Variants in CSMD1 observed in about 807,000 individuals in gnomAD.
The protein encoded by CSMD1 is CUB and Sushi multiple domains 1, also known as CUB and sushi domain-containing protein 1.
CSMD1 carries 213 observed loss-of-function variants against 417.5 expected under a neutral mutation model. That is an observed-to-expected ratio of 0.51 (90% confidence interval 0.46 to 0.57). The LOEUF (loss-of-function observed/expected upper bound fraction) is 0.57, where lower values mean the gene tolerates loss of function less well. Among genes scored for constraint, CSMD1 ranks in the 20% least tolerant of loss-of-function variants. CSMD1 has a pLI of 0.00. For missense variants in CSMD1, 6,923 were observed against 4,529.7 expected (o/e 1.53, Z -15.17); for synonymous variants, 2,862 against 1,736.8 (o/e 1.65, Z -16.11).
chr8:4,786,126 G>A (rs1259929286), intron 1 of CSMD1, among the ~76,000 whole-genome samples: 1 of 152,134 alleles, frequency 6.6e-6, no homozygotes, highest in Non-Finnish European at 1.5e-5. Context: ...TATCCTGTTT[G>A]CTTCTAAAAA....
At chr8:4,851,908 G>A (rs566077362) in intron 1 of CSMD1, among the ~76,000 whole-genome samples, 1 of 152,102 alleles carries the variant, frequency 6.6e-6, no homozygotes, top group Non-Finnish European at 1.5e-5. Flanking sequence ...ATACTCATTT[G>A]CTATCACTCT....
At chr8:3,391,427 T>G (rs960078419) in intron 17 of CSMD1, among the ~76,000 whole-genome samples, 4 of 152,348 alleles carry the variant, frequency 2.6e-5, no homozygotes, top group African/African-American at 9.6e-5. Flanking sequence ...TCTTACAAAA[T>G]TATGACAATT....
chr8:4,702,287 G>C (rs189467197), intron 1 of CSMD1, among the ~76,000 whole-genome samples: 1 of 152,174 alleles, frequency 6.6e-6, no homozygotes, highest in Admixed American at 6.5e-5. Context: ...TCAACAGGTT[G>C]CCTTGCTTCT....
At chr8:3,237,590 T>A (rs1254752462) in intron 26 of CSMD1, among the ~76,000 whole-genome samples, 1 of 145,452 alleles carries the variant, frequency 6.9e-6, no homozygotes, top group African/African-American at 2.5e-5. Context: ...ATACTTATAC[T>A]ATAAATATAA....
intron 1 of CSMD1, among the ~76,000 whole-genome samples, chr8:4,891,151 T>C: frequency 6.6e-6 from 1 of 152,120 alleles, no homozygotes; most frequent in East Asian, 1.9e-4. Flanking sequence ...GAACTCTGTG[T>C]TTTGAGTCAA....
At chr8:3,253,732 T>G (rs1176988778) in intron 26 of CSMD1, among the ~76,000 whole-genome samples, 6 of 152,170 alleles carry the variant, frequency 3.9e-5, no homozygotes, top group South Asian at 2.1e-4. Context: ...GCTTGGTAGA[T>G]CTTCCTCCAT....
At chr8:4,188,229 C>G (rs977130856) in intron 3 of CSMD1, among the ~76,000 whole-genome samples, 5 of 152,250 alleles carry the variant, frequency 3.3e-5, no homozygotes, top group East Asian at 3.9e-4. Flanking sequence ...AAATTTGACT[C>G]TGAGGACCCA....
chr8:4,165,029 G>A (rs1250347551), intron 3 of CSMD1, among the ~76,000 whole-genome samples: 1 of 152,130 alleles, frequency 6.6e-6, no homozygotes, highest in African/African-American at 2.4e-5. Context: ...CATGACACCT[G>A]AGGTTTCTGT....
intron 11 of CSMD1, among the ~76,000 whole-genome samples, chr8:3,475,517 C>T (rs563531536): frequency 4.7e-4 from 72 of 152,196 alleles, no homozygotes; most frequent in Non-Finnish European, 9.4e-4. Flanking sequence ...ATGGCTCTGT[C>T]ATTAATTCAC....
chr8:3,598,596 T>C (rs1801205233), intron 8 of CSMD1, among the ~76,000 whole-genome samples: 1 of 152,160 alleles, frequency 6.6e-6, no homozygotes, highest in Admixed American at 6.5e-5. Flanking sequence ...TGTTCCTTCT[T>C]TTATTTGTCC....
chr8:3,985,134 T>C (rs530140725), intron 5 of CSMD1, among the ~76,000 whole-genome samples: 106 of 152,186 alleles, frequency 7.0e-4, no homozygotes, highest in Admixed American at 1.1e-3. Flanking sequence ...GATCATGTAC[T>C]TCAGGAGAGG....
At chr8:4,255,099 G>A (rs1429064424) in intron 3 of CSMD1, among the ~76,000 whole-genome samples, 1 of 152,110 alleles carries the variant, frequency 6.6e-6, no homozygotes, top group Non-Finnish European at 1.5e-5. Flanking sequence ...TAACCCCTCG[G>A]TCTCTCTACT....
intron 1 of CSMD1, among the ~76,000 whole-genome samples, chr8:4,762,104 T>C (rs1673240): frequency 0.23 from 35,422 of 151,958 alleles, 5,388 homozygotes; most frequent in African/African-American, 0.43. Flanking sequence ...TAAACTCAAT[T>C]TCCCCTATAA....
intron 28 of CSMD1, among the ~76,000 whole-genome samples, chr8:3,222,670 C>T (rs1048936930): frequency 3.9e-5 from 6 of 152,132 alleles, no homozygotes; most frequent in South Asian, 2.1e-4. Context: ...TTAAGGAAGA[C>T]GCTACTAGAA....
intron 4 of CSMD1, among the ~76,000 whole-genome samples, chr8:4,019,838 T>C (rs909059526): frequency 6.6e-6 from 1 of 152,036 alleles, no homozygotes; most frequent in African/African-American, 2.4e-5. Context: ...TCTTGTCCTT[T>C]TTCCTGAGCC....
At chr8:4,989,327 C>A (rs896713574) in intron 1 of CSMD1, among the ~76,000 whole-genome samples, 1 of 152,078 alleles carries the variant, frequency 6.6e-6, no homozygotes, top group African/African-American at 2.4e-5. Context: ...TGTGCCACAG[C>A]GTCAGATTGG....
At chr8:3,601,479 T>C (rs1003052695) in intron 8 of CSMD1, among the ~76,000 whole-genome samples, 3 of 152,208 alleles carry the variant, frequency 2.0e-5, no homozygotes, top group African/African-American at 7.2e-5. Flanking sequence ...ATATCACGGA[T>C]GACATACACC....
At chr8:4,481,769 A>G (rs999283326) in intron 2 of CSMD1, among the ~76,000 whole-genome samples, 1 of 152,216 alleles carries the variant, frequency 6.6e-6, no homozygotes, top group Non-Finnish European at 1.5e-5. Flanking sequence ...TGCCTAGTAT[A>G]TGCCAGAGAC....
intron 7 of CSMD1, among the ~76,000 whole-genome samples, chr8:3,675,589 G>C (rs746378317): frequency 6.6e-5 from 10 of 152,012 alleles, no homozygotes; most frequent in Admixed American, 3.3e-4. Context: ...CACGAGGGTT[G>C]ATACCCCATG....
Sources: gnomAD v4.1 joint callset for allele counts (sites outside exome capture counted in the v4.1 genomes callset) on GRCh38, gnomAD v4.1.1 for gene constraint, MANE v1.5 for transcripts, NCBI Gene and HGNC (gene_info 2026-07-23, HGNC 2026-07-21) for gene names.